Variants in OR51B5 observed in about 807,000 individuals in gnomAD.
The protein encoded by OR51B5 is olfactory receptor family 51 subfamily B member 5.
For missense variants in OR51B5, 456 were observed against 374.6 expected (o/e 1.22, Z -1.79); for synonymous variants, 186 against 144.8 (o/e 1.28, Z -2.04).
At chr11:5,459,445 G>C (rs1204400349) in intron 1 of OR51B5, among the ~76,000 whole-genome samples, 1 of 152,094 alleles carries the variant, frequency 6.6e-6, no homozygotes, top group Non-Finnish European at 1.5e-5. Flanking sequence ...TCTCTGCCAG[G>C]TTTTGTTATC....
At chr11:5,420,488 G>C (rs1265927875) in intron 1 of OR51B5, among the ~76,000 whole-genome samples, 7 of 151,670 alleles carry the variant, frequency 4.6e-5, no homozygotes, top group Non-Finnish European at 1.0e-4. Flanking sequence ...GATAAATATT[G>C]ATATATTTAA....
At chr11:5,459,846 G>A (rs1031626665) in intron 1 of OR51B5, among the ~76,000 whole-genome samples, 12 of 152,074 alleles carry the variant, frequency 7.9e-5, no homozygotes, top group Non-Finnish European at 1.5e-4. Flanking sequence ...GCTAAAAACA[G>A]GACAACCATT....
At chr11:5,456,234 A>G (rs1850956845) in intron 1 of OR51B5, 1 of 152,216 alleles carries the variant, frequency 6.6e-6, no homozygotes, top group Non-Finnish European at 1.5e-5. Flanking sequence ...AAGGAACAAG[A>G]AAATATGAGC....
intron 1 of OR51B5, chr11:5,489,284 C>A (rs771310899): frequency 6.2e-7 from 1 of 1,613,698 alleles, no homozygotes; most frequent in South Asian, 1.1e-5. Context: ...CTGGCCTGTG[C>A]CAACATCACT....
intron 1 of OR51B5, among the ~76,000 whole-genome samples, chr11:5,361,328 AAAG>A (rs1304350803): frequency 6.6e-6 from 1 of 152,168 alleles, no homozygotes; most frequent in Non-Finnish European, 1.5e-5. Flanking sequence ...CTGGGAGAAT[AAAG>A]AAGGAGGGAG....
At chr11:5,436,841 G>A (rs1850602128) in intron 1 of OR51B5, among the ~76,000 whole-genome samples, 1 of 152,158 alleles carries the variant, frequency 6.6e-6, no homozygotes, top group South Asian at 2.1e-4. Context: ...TGATCAAAGT[G>A]TCTTGATCAC....
At chr11:5,364,657 G>C (rs1849339503) in intron 1 of OR51B5, among the ~76,000 whole-genome samples, 1 of 145,460 alleles carries the variant, frequency 6.9e-6, no homozygotes. Flanking sequence ...GTGCATCTCT[G>C]AATATCTCTG....
At chr11:5,453,715 C>G (rs745960137) in intron 1 of OR51B5, 6 of 1,613,982 alleles carry the variant, frequency 3.7e-6, no homozygotes, top group Non-Finnish European at 5.1e-6. Flanking sequence ...ATATCCATGG[C>G]CACACTGCCC....
chr11:5,418,192 G>A (rs1476287068), intron 1 of OR51B5, among the ~76,000 whole-genome samples: 1 of 151,944 alleles, frequency 6.6e-6, no homozygotes, highest in Non-Finnish European at 1.5e-5. Flanking sequence ...ACTCATAGGT[G>A]GGAATTAAAC....
At chr11:5,343,431 T>G (rs1272360390) in exon 1 of OR51B5, 2 of 1,611,980 alleles carry the variant, frequency 1.2e-6, no homozygotes, top group East Asian at 4.5e-5. Context: ...GATATATACA[T>G]GAACAAGAAA....
At chr11:5,387,920 TTGTCTCTGTTC>T (rs929472755) in intron 1 of OR51B5, among the ~76,000 whole-genome samples, 2 of 152,060 alleles carry the variant, frequency 1.3e-5, no homozygotes, top group Admixed American at 6.6e-5. Context: ...GTGTTTATTT[TTGTCTCTGTTC>T]TGTTTCTGTT....
intron 1 of OR51B5, chr11:5,489,245 C>G: frequency 6.2e-7 from 1 of 1,614,054 alleles, no homozygotes; most frequent in Non-Finnish European, 8.5e-7. Context: ...ATGACACACA[C>G]ATACTGTGAG....
At chr11:5,381,090 T>C (rs1204731711) in intron 1 of OR51B5, among the ~76,000 whole-genome samples, 1 of 151,532 alleles carries the variant, frequency 6.6e-6, no homozygotes, top group African/African-American at 2.4e-5. Flanking sequence ...TACTGGCCCC[T>C]TGAAAGCCAG....
intron 1 of OR51B5, among the ~76,000 whole-genome samples, chr11:5,362,111 T>G (rs17355605): frequency 0.11 from 16,876 of 152,268 alleles, 1,058 homozygotes; most frequent in South Asian, 0.15. Context: ...TGCAAATCCT[T>G]ATAAACCAAA....
At chr11:5,477,570 C>T (rs576885905) in intron 1 of OR51B5, among the ~76,000 whole-genome samples, 21 of 152,256 alleles carry the variant, frequency 1.4e-4, no homozygotes, top group East Asian at 9.7e-4. Context: ...ACGCAGAAGA[C>T]GGGTGATTTC....
intron 1 of OR51B5, chr11:5,403,427 G>C (rs755700785): frequency 4.2e-6 from 2 of 471,378 alleles, no homozygotes; most frequent in South Asian, 1.5e-5. Context: ...TGCAAGCCAT[G>C]ATGGCCAATG....
At chr11:5,414,770 T>C (rs977197482) in intron 1 of OR51B5, among the ~76,000 whole-genome samples, 1 of 152,178 alleles carries the variant, frequency 6.6e-6, no homozygotes, top group African/African-American at 2.4e-5. Flanking sequence ...CCCAGATTCA[T>C]AAACCAAGTC....
intron 1 of OR51B5, chr11:5,489,340 C>T: frequency 1.9e-6 from 3 of 1,614,070 alleles, no homozygotes; most frequent in Non-Finnish European, 2.5e-6. Context: ...GGCCATGGGA[C>T]TGGATTCCAT....
chr11:5,350,008 G>C (rs1004183604), intron 1 of OR51B5, among the ~76,000 whole-genome samples: 1 of 151,950 alleles, frequency 6.6e-6, no homozygotes, highest in Non-Finnish European at 1.5e-5. Flanking sequence ...CTGTTCCCAA[G>C]GCTTCCACAG....
Sources: gnomAD v4.1 joint callset for allele counts (sites outside exome capture counted in the v4.1 genomes callset) on GRCh38, gnomAD v4.1.1 for gene constraint, MANE v1.5 for transcripts, NCBI Gene and HGNC (gene_info 2026-07-23, HGNC 2026-07-21) for gene names.